The following SLC14A2 variants were observed in gnomAD, a reference collection of about 807,000 sequenced individuals.
SLC14A2 encodes the protein solute carrier family 14 member 2.
SLC14A2 carries 91 observed loss-of-function variants against 104.6 expected under a neutral mutation model. That is an observed-to-expected ratio of 0.87 (90% CI 0.73 to 1.04). The LOEUF (loss-of-function observed/expected upper bound fraction) is 1.04. Ranked by LOEUF, SLC14A2 falls within the 50% of genes least tolerant of loss-of-function variation. SLC14A2 has a pLI of 0.00. For synonymous variants in SLC14A2, 476 were observed against 466.4 expected, an observed-to-expected ratio of 1.02 and a Z score of -0.27; for missense variants, 1,189 against 1,156.0, an observed-to-expected ratio of 1.03 and a Z score of -0.41.
intron 2 of SLC14A2, among the ~76,000 whole-genome samples, chr18:45,531,784 G>A (rs554603544): frequency 2.1e-3 from 319 of 152,206 alleles, no homozygotes; most frequent in Middle Eastern, 0.01. Context: ...CCATGCCTAT[G>A]TCCTGAATGG....
intron 1 of SLC14A2, among the ~76,000 whole-genome samples, chr18:45,311,049 T>C (rs2085073346): frequency 6.6e-6 from 1 of 152,144 alleles, no homozygotes; most frequent in Non-Finnish European, 1.5e-5. Flanking sequence ...ACTGAGATAA[T>C]AGGTATAAGA....
Position 45,627,165 on chromosome 18 carries a change from G to A in SLC14A2, c.521+18G>A. 2 of 1,607,970 alleles carry A rather than the reference G, an allele frequency of 1.2e-6. No individual in the cohort carries two copies. The highest frequency in any genetic ancestry group is 8.5e-7 in the Non-Finnish European group (1 of 1,174,934). On this transcript the variant is annotated intron_variant, in intron 4 of 19. Transcript: ENST00000255226. ...CAAGACAGGTGGGTCCCTCTCTATA[G>A]GGATTTTAGCAAGATGTGTGGAACA...
intron 4 of SLC14A2, among the ~76,000 whole-genome samples, chr18:45,629,207 G>T (rs1420625104): frequency 3.3e-5 from 5 of 152,220 alleles, no homozygotes; most frequent in Admixed American, 3.3e-4. Context: ...GGAAATGCAT[G>T]AGTCAGCCTG....
intron 1 of SLC14A2, among the ~76,000 whole-genome samples, chr18:45,242,309 T>G (rs1360726285): frequency 6.6e-6 from 1 of 152,200 alleles, no homozygotes; most frequent in African/African-American, 2.4e-5. Context: ...ATGTAACTTA[T>G]GCACCTCAAA....
chr18:45,204,810 TA>T, the SLC14A2 span, among the ~76,000 whole-genome samples: 59,009 of 138,100 alleles, frequency 0.43, 12,915 homozygotes, highest in Non-Finnish European at 0.55. Flanking sequence ...ATCACTGAGA[TA>T]AAAAAAAAAA....
At chr18:45,508,781 A>T (rs546479520) in intron 2 of SLC14A2, among the ~76,000 whole-genome samples, 1 of 152,204 alleles carries the variant, frequency 6.6e-6, no homozygotes, top group Non-Finnish European at 1.5e-5. Flanking sequence ...ACTGGACTTT[A>T]TCAAAGGGCT....
At chr18:45,519,324 C>G (rs2043484511) in intron 2 of SLC14A2, among the ~76,000 whole-genome samples, 1 of 152,184 alleles carries the variant, frequency 6.6e-6, no homozygotes, top group Non-Finnish European at 1.5e-5. Flanking sequence ...GGTAGATTAG[C>G]TACCCCTGAA....
At chr18:45,547,123 C>A (rs1378318785) in intron 2 of SLC14A2, among the ~76,000 whole-genome samples, 1 of 152,094 alleles carries the variant, frequency 6.6e-6, no homozygotes, top group Non-Finnish European at 1.5e-5. Flanking sequence ...GCAGTAGCTA[C>A]CAGACCAACC....
chr18:45,319,216 T>G (rs1449207949), intron 1 of SLC14A2, among the ~76,000 whole-genome samples: 1 of 152,196 alleles, frequency 6.6e-6, no homozygotes, highest in African/African-American at 2.4e-5. Context: ...ACAGCCTCCT[T>G]GATGAGGATA....
At position 45,235,995 on chromosome 18, in the gene SLC14A2, ATACATATATGTGTGTATATATG is replaced by A. The variant is rs2084232037; in HGVS notation, c.-125+22806_-125+22827del. 2.0e-4 allele frequency among the ~76,000 whole-genome samples: 14 copies of A among 71,256 alleles called. No homozygotes were observed. The Admixed American group carries it at 2.0e-3, about 10-fold the overall frequency. 46.7% of individuals were successfully genotyped at this position (71,256 alleles called of 152,430 possible). A position where few individuals can be genotyped will look rare whatever the true frequency, so the allele number is the denominator to read the frequency against. ...TATATGTGTGTATATATGTGTATAT[ATACATATATGTGTGTATATATG>A]TGTATATATACATATATGTGTGTAT... On this transcript the variant is annotated intron_variant, in intron 1 of 20. Coordinates refer to the SLC14A2 transcript ENST00000586448.
chr18:45,253,399 G>T (rs2084443296), intron 1 of SLC14A2, among the ~76,000 whole-genome samples: 1 of 151,974 alleles, frequency 6.6e-6, no homozygotes, highest in Non-Finnish European at 1.5e-5. Flanking sequence ...AGAGATCCAG[G>T]GATTTGGGGA....
intron 1 of SLC14A2, among the ~76,000 whole-genome samples, chr18:45,287,863 G>A (rs576121110): frequency 6.6e-5 from 10 of 151,586 alleles, no homozygotes; most frequent in South Asian, 2.1e-4. Flanking sequence ...CCCCAGCCCC[G>A]CAGGACCTAC....
chr18:45,657,443 C>T (rs551738083), intron 10 of SLC14A2, among the ~76,000 whole-genome samples: 40 of 142,130 alleles, frequency 2.8e-4, no homozygotes, highest in South Asian at 2.6e-3. Flanking sequence ...GCCGAGATCA[C>T]GCCACTGCAC....
At chr18:45,604,605 T>C (rs568055915) in intron 2 of SLC14A2, among the ~76,000 whole-genome samples, 4 of 152,336 alleles carry the variant, frequency 2.6e-5, no homozygotes, top group Admixed American at 2.6e-4. Flanking sequence ...GAACCAAGCA[T>C]GTGCCTACTT....
intron 1 of SLC14A2, among the ~76,000 whole-genome samples, chr18:45,349,167 A>T (rs551398595): frequency 6.6e-6 from 1 of 152,304 alleles, no homozygotes; most frequent in East Asian, 1.9e-4. Context: ...GTCCATTTGG[A>T]TACAGCAGAT....
At chr18:45,221,104 A>G (rs1599584019) in intron 1 of SLC14A2, among the ~76,000 whole-genome samples, 1 of 152,214 alleles carries the variant, frequency 6.6e-6, no homozygotes, top group African/African-American at 2.4e-5. Context: ...AGGCTTCAAC[A>G]TATGAATTTG....
chr18:45,538,488 G>C (rs1401722529), intron 2 of SLC14A2, among the ~76,000 whole-genome samples: 2 of 152,178 alleles, frequency 1.3e-5, no homozygotes, highest in Non-Finnish European at 2.9e-5. Flanking sequence ...CTCATCACCT[G>C]GTTGTTGGCA....
chr18:45,538,673 A>T (rs578209690), intron 2 of SLC14A2, among the ~76,000 whole-genome samples: 1 of 152,162 alleles, frequency 6.6e-6, no homozygotes, highest in Non-Finnish European at 1.5e-5. Context: ...CAGAATTGAC[A>T]TACCATCACT....
intron 10 of SLC14A2, chr18:45,646,571 G>C (rs967057061): frequency 6.6e-6 from 1 of 152,132 alleles, no homozygotes; most frequent in Admixed American, 6.5e-5. Flanking sequence ...ATGCTTACTG[G>C]ATCCCCAGGA....
Sources: allele counts gnomAD v4.1 joint callset (sites outside exome capture counted in the v4.1 genomes callset), GRCh38; gene constraint gnomAD v4.1.1; transcripts MANE v1.5; gene names NCBI Gene and HGNC (gene_info 2026-07-23, HGNC 2026-07-21).